The following ARHGAP28 variants were observed in gnomAD, a reference collection of about 807,000 sequenced individuals.
ARHGAP28 encodes Rho GTPase activating protein 28.
In ARHGAP28, 56 loss-of-function variants were observed where a neutral mutation model predicts 90.7. That is an observed-to-expected ratio of 0.62 (90% CI 0.50 to 0.77). ARHGAP28 has a LOEUF of 0.77. Among genes scored for constraint, ARHGAP28 ranks in the 30% least tolerant of loss-of-function variants. The probability of loss-of-function intolerance (pLI) is 0.00; values close to 1 mark genes in which losing one functional copy is unlikely to be tolerated. For missense variants in ARHGAP28, 869 were observed against 900.9 expected, an observed-to-expected ratio of 0.96 and a Z score of 0.45; for synonymous variants, 308 against 323.3, an observed-to-expected ratio of 0.95 and a Z score of 0.51.
intron 1 of ARHGAP28, among the ~76,000 whole-genome samples, chr18:6,795,609 A>C (rs2056436331): frequency 6.6e-6 from 1 of 152,212 alleles, no homozygotes; most frequent in Non-Finnish European, 1.5e-5. Context: ...TGCATAAGCA[A>C]GTGAGAGGAG....
chr18:6,870,435 ACTC>A (rs1430907746), intron 6 of ARHGAP28, among the ~76,000 whole-genome samples, 152 bp from the exon 7 acceptor site: 1 of 152,106 alleles, frequency 6.6e-6, no homozygotes, highest in Non-Finnish European at 1.5e-5. Context: ...GTTTAACTGA[ACTC>A]CTCGGGGTGA....
At position 6,749,944 on chromosome 18, in the gene ARHGAP28, A is replaced by G. The variant is rs72882585; in HGVS notation, c.122+20001A>G. On this transcript the variant is annotated intron_variant, in intron 1 of 17. Transcript: ENST00000383472. ...TTTAAAGTTCAGTGAGGATTCCAAGAAGGAAAAAGGGGTATCTTCAAAATG... is the reference window on the plus strand; with the variant it reads ...TTTAAAGTTCAGTGAGGATTCCAAGGAGGAAAAAGGGGTATCTTCAAAATG... Among the ~76,000 whole-genome samples, 808 of 152,234 alleles carry G rather than the reference A, an allele frequency of 5.3e-3. 5 individuals carry two copies. Among genetic ancestry groups the G allele is most frequent in the Non-Finnish European group, 8.4e-3 (573 of 68,012 alleles).
intron 4 of ARHGAP28, 115 bp from the exon 5 acceptor site, chr18:6,859,693 A>G: frequency 2.0e-6 from 2 of 1,017,020 alleles, no homozygotes; most frequent in Admixed American, 2.0e-5. Flanking sequence ...ATGCACAGGC[A>G]GTCATAATTG....
chr18:6,763,457 G>A (rs1173495499), intron 1 of ARHGAP28, among the ~76,000 whole-genome samples: 1 of 152,196 alleles, frequency 6.6e-6, no homozygotes, highest in Non-Finnish European at 1.5e-5. Flanking sequence ...GACATGTACA[G>A]ATGACCCAAT....
chr18:6,893,139 G>A (rs1264684631), intron 14 of ARHGAP28, among the ~76,000 whole-genome samples: 1 of 152,128 alleles, frequency 6.6e-6, no homozygotes, highest in Non-Finnish European at 1.5e-5. Context: ...GCCTGTAAAC[G>A]TTTTTGACAT....
intron 1 of ARHGAP28, among the ~76,000 whole-genome samples, chr18:6,802,741 A>G (rs2056491536): frequency 6.6e-6 from 1 of 152,108 alleles, no homozygotes; most frequent in Admixed American, 6.6e-5. Flanking sequence ...TAAATCTTCC[A>G]ATCTTTGAAC....
chr18:6,899,349 G>T (rs570723268), intron 16 of ARHGAP28, among the ~76,000 whole-genome samples: 1 of 152,266 alleles, frequency 6.6e-6, no homozygotes, highest in South Asian at 2.1e-4. Context: ...GGTGAGTTCT[G>T]GGAGTTTCCT....
At chr18:6,736,763 A>C (rs1416310187) in intron 1 of ARHGAP28, among the ~76,000 whole-genome samples, 4 of 151,604 alleles carry the variant, frequency 2.6e-5, no homozygotes, top group Non-Finnish European at 5.9e-5. Context: ...AAAAAACAAA[A>C]AACAGAAAGT....
chr18:6,872,514 G>C (rs1600271097), intron 7 of ARHGAP28, among the ~76,000 whole-genome samples: 2 of 152,142 alleles, frequency 1.3e-5, no homozygotes, highest in East Asian at 3.8e-4. Flanking sequence ...TGGAAAATGT[G>C]AACTTAAAGC....
At chr18:6,849,283 G>GACCTT (rs2056891158) in intron 3 of ARHGAP28, among the ~76,000 whole-genome samples, 1 of 149,912 alleles carries the variant, frequency 6.7e-6, no homozygotes, top group Non-Finnish European at 1.5e-5. Context: ...AAAGTTAACC[G>GACCTT]GGGTAAGCGT....
chr18:6,743,530 C>G (rs1457821247), intron 1 of ARHGAP28, among the ~76,000 whole-genome samples: 1 of 151,984 alleles, frequency 6.6e-6, no homozygotes, highest in Non-Finnish European at 1.5e-5. Context: ...CAAAGTCTTC[C>G]CTGAGAGAGA....
intron 1 of ARHGAP28, among the ~76,000 whole-genome samples, chr18:6,770,277 A>G (rs2056232105): frequency 6.6e-6 from 1 of 152,240 alleles, no homozygotes; most frequent in African/African-American, 2.4e-5. Flanking sequence ...AAATAAGGAT[A>G]GAAATAGCAC....
chr18:6,783,482 G>A (rs1316280622), intron 1 of ARHGAP28, among the ~76,000 whole-genome samples: 5 of 141,268 alleles, frequency 3.5e-5, no homozygotes, highest in Admixed American at 2.7e-4. Flanking sequence ...TGTATTTTTA[G>A]TAGAGACGGG....
At chr18:6,872,430 G>A (rs968445939) in intron 7 of ARHGAP28, among the ~76,000 whole-genome samples, 1 of 152,138 alleles carries the variant, frequency 6.6e-6, no homozygotes, top group Non-Finnish European at 1.5e-5. Flanking sequence ...AGCAATTATT[G>A]AATGAATAAA....
intron 1 of ARHGAP28, among the ~76,000 whole-genome samples, chr18:6,802,332 GTTCTTTTTTTT>G (rs2056488010): frequency 1.3e-5 from 1 of 78,000 alleles, no homozygotes; most frequent in East Asian, 3.2e-4. Context: ...TCATATGGTA[GTTCTTTTTTTT>G]TTTTTTTTTT....
intron 3 of ARHGAP28, among the ~76,000 whole-genome samples, chr18:6,848,663 G>A (rs1396526532): frequency 1.3e-5 from 2 of 152,130 alleles, no homozygotes; most frequent in African/African-American, 4.8e-5. Flanking sequence ...AACTCATCTT[G>A]CGTTTGTCTC....
At position 6,887,247 on chromosome 18, in the gene ARHGAP28, G is replaced by A. The variant is rs765634994; in HGVS notation, c.1536+8G>A. 12 of 1,613,232 alleles carry A rather than the reference G, an allele frequency of 7.4e-6. No individual in the cohort carries two copies. Among genetic ancestry groups the A allele is most frequent in the East Asian group, 4.5e-5 (2 of 44,854 alleles). On this transcript the variant is annotated splice_region_variant and intron_variant, in intron 12 of 17. Coordinates refer to ENST00000383472, the MANE Select transcript of ARHGAP28 (RefSeq NM_001366230.1). ...AACAGAGATGCAGCTCAGGTACGTC[G>A]TGTCCACCTCACAGCTTGTCCTGGG...
intron 1 of ARHGAP28, among the ~76,000 whole-genome samples, chr18:6,803,813 C>G (rs928544962): frequency 1.1e-4 from 16 of 152,148 alleles, no homozygotes; most frequent in African/African-American, 3.6e-4. Flanking sequence ...GAGTCTCACT[C>G]TGTCGCCCAG....
chr18:6,798,067 TAAAAA>T (rs10553265), intron 1 of ARHGAP28, among the ~76,000 whole-genome samples: 99,149 of 151,522 alleles, frequency 0.65, 33,884 homozygotes, highest in Non-Finnish European at 0.76. Flanking sequence ...ACACTAATGA[TAAAAA>T]TAGGAAATAA....
Sources: allele counts gnomAD v4.1 joint callset (sites outside exome capture counted in the v4.1 genomes callset), GRCh38; gene constraint gnomAD v4.1.1; transcripts MANE v1.5; gene names NCBI Gene and HGNC (gene_info 2026-07-23, HGNC 2026-07-21).